The following SMOC1 variants were observed in gnomAD, a reference collection of about 807,000 sequenced individuals.
SMOC1 encodes the protein SPARC-related modular calcium-binding protein 1.
In SMOC1, 22 loss-of-function variants were observed where a neutral mutation model predicts 56.3. The observed-to-expected ratio is 0.39, with a 90% CI of 0.28 to 0.56. The LOEUF is 0.56. Among genes scored for constraint, SMOC1 ranks in the 20% least tolerant of loss-of-function variants. The pLI is 0.61. For missense variants in SMOC1, 509 were observed against 565.4 expected (o/e 0.90, Z 1.01); for synonymous variants, 193 against 215.0 (o/e 0.90, Z 0.89).
At chr14:69,973,848 C>T (rs1411134395) in intron 3 of SMOC1, among the ~76,000 whole-genome samples, 1 of 152,220 alleles carries the variant, frequency 6.6e-6, no homozygotes. Context: ...GATGTCTCCT[C>T]TCACTGCTCC....
chr14:69,885,458 T>C (rs1227751880), intron 1 of SMOC1: 1 of 1,601,110 alleles, frequency 6.2e-7, no homozygotes, highest in East Asian at 2.2e-5. Flanking sequence ...ATCGTATCTG[T>C]CATTGTAATT....
chr14:69,943,669 G>T (rs1298563477), intron 1 of SMOC1, among the ~76,000 whole-genome samples: 1 of 116,840 alleles, frequency 8.6e-6, no homozygotes, highest in Non-Finnish European at 1.7e-5. Context: ...GGCTCCAAGA[G>T]TGGCTTTCCC....
At chr14:69,995,881 T>G (rs765747988) in intron 7 of SMOC1, among the ~76,000 whole-genome samples, 8 of 152,198 alleles carry the variant, frequency 5.3e-5, no homozygotes, top group Non-Finnish European at 1.0e-4. Flanking sequence ...CTATTAGGCT[T>G]CTTCTTAGGA....
intron 1 of SMOC1, among the ~76,000 whole-genome samples, chr14:69,903,956 C>T (rs1340774406): frequency 3.3e-5 from 5 of 151,654 alleles, no homozygotes; most frequent in Non-Finnish European, 2.9e-5. Flanking sequence ...GGAGAGGTCA[C>T]GTGGAGCAGA....
intron 1 of SMOC1, among the ~76,000 whole-genome samples, chr14:69,903,610 C>A (rs530129331): frequency 6.6e-6 from 1 of 152,276 alleles, no homozygotes; most frequent in African/African-American, 2.4e-5. Flanking sequence ...TACCCCCAAC[C>A]CGGTGCTCTC....
intron 3 of SMOC1, among the ~76,000 whole-genome samples, chr14:69,968,672 A>T (rs1275905930): frequency 6.6e-6 from 1 of 152,216 alleles, no homozygotes; most frequent in Non-Finnish European, 1.5e-5. Flanking sequence ...GGGCAGGTTA[A>T]AAAGAAAAAA....
At chr14:69,942,835 T>C (rs201288818) in intron 1 of SMOC1, among the ~76,000 whole-genome samples, 1 of 152,166 alleles carries the variant, frequency 6.6e-6, no homozygotes, top group African/African-American at 2.4e-5. Context: ...ATTGGGAGCA[T>C]GTAGGTTAAC....
intron 1 of SMOC1, among the ~76,000 whole-genome samples, chr14:69,890,064 G>A (rs539201240): frequency 1.3e-5 from 2 of 152,322 alleles, no homozygotes; most frequent in South Asian, 4.1e-4. Flanking sequence ...TTTGTGGGGA[G>A]CGTGATTCTG....
chr14:70,025,949 A>G (rs1445666117), intron 11 of SMOC1, among the ~76,000 whole-genome samples: 1 of 152,228 alleles, frequency 6.6e-6, no homozygotes. Context: ...ATAGAAGTTC[A>G]ATACTACTAT....
chr14:69,969,991 G>C lies in SMOC1; in HGVS notation c.379-5724G>C, dbSNP rs1183904865. Among the ~76,000 whole-genome samples, 8 of 152,116 alleles carry C rather than the reference G, an allele frequency of 5.3e-5. No individual in the cohort carries two copies. The East Asian group carries it at 9.6e-4, about 18-fold the overall frequency. ...GTTTCCTCTCTGGTTTCCTAGGAAA[G>C]CAAGGGTGATTGGTAGGAGAGTGAA... On this transcript the variant is annotated intron_variant, in intron 3 of 11. Coordinates refer to ENST00000361956, the MANE Select transcript of SMOC1 (RefSeq NM_001034852.3).
At chr14:69,940,592 C>G (rs1041840321) in intron 1 of SMOC1, among the ~76,000 whole-genome samples, 1 of 151,862 alleles carries the variant, frequency 6.6e-6, no homozygotes, top group African/African-American at 2.4e-5. Context: ...ACGCTTAGAA[C>G]CAAACAGGCA....
intron 1 of SMOC1, among the ~76,000 whole-genome samples, chr14:69,883,889 ATTTTTTTTTTT>A (rs34300667): frequency 4.1e-4 from 27 of 66,642 alleles, no homozygotes; most frequent in Admixed American, 1.4e-3. Context: ...GATGTTGAGC[ATTTTTTTTTTT>A]TTTTTTTTTT....
chr14:70,024,738 A>G (rs1885860556), intron 11 of SMOC1, among the ~76,000 whole-genome samples: 1 of 152,178 alleles, frequency 6.6e-6, no homozygotes, highest in African/African-American at 2.4e-5. Flanking sequence ...GACAAGAGGC[A>G]AGGTGAAGTT....
chr14:69,955,902 G>A (rs1176881334), intron 3 of SMOC1, among the ~76,000 whole-genome samples: 2 of 152,216 alleles, frequency 1.3e-5, no homozygotes, highest in Non-Finnish European at 2.9e-5. Context: ...GAAGGTAAAG[G>A]AGGAGAGTGG....
chr14:69,924,497 A>C (rs951066961), intron 1 of SMOC1, among the ~76,000 whole-genome samples: 10 of 151,746 alleles, frequency 6.6e-5, no homozygotes, highest in African/African-American at 1.2e-4. Flanking sequence ...GTAATGGGAA[A>C]CCCTCCAGTG....
At chr14:69,931,200 CT>C (rs1342548030) in intron 1 of SMOC1, among the ~76,000 whole-genome samples, 1 of 152,266 alleles carries the variant, frequency 6.6e-6, no homozygotes, top group African/African-American at 2.4e-5. Context: ...GGCGTCTCCT[CT>C]GTCTCCTGCG....
At chr14:70,019,027 C>T (rs1284714942) in intron 10 of SMOC1, among the ~76,000 whole-genome samples, 1 of 152,246 alleles carries the variant, frequency 6.6e-6, no homozygotes, top group Non-Finnish European at 1.5e-5. Flanking sequence ...TTGGCCAAAG[C>T]AGGTTTCCTT....
chr14:69,933,272 T>A (rs1349337549), intron 1 of SMOC1, among the ~76,000 whole-genome samples: 2 of 152,244 alleles, frequency 1.3e-5, no homozygotes, highest in East Asian at 3.8e-4. Context: ...AGAAACAGGA[T>A]GGCAGTTGTA....
At chr14:70,005,729 T>C (rs932765979) in intron 7 of SMOC1, among the ~76,000 whole-genome samples, 48 of 152,296 alleles carry the variant, frequency 3.2e-4, no homozygotes, top group Non-Finnish European at 2.4e-4. Context: ...TCTCACTTCT[T>C]CTCTGCACCA....
Sources: gnomAD v4.1 joint callset for allele counts (sites outside exome capture counted in the v4.1 genomes callset) on GRCh38, gnomAD v4.1.1 for gene constraint, MANE v1.5 for transcripts, NCBI Gene and HGNC (gene_info 2026-07-23, HGNC 2026-07-21) for gene names.